Variants in RFX8 observed in about 807,000 individuals in gnomAD.
RFX8 encodes DNA-binding protein RFX8.
RFX8 carries 46 observed loss-of-function variants against 54.6 expected under a neutral mutation model. The ratio of observed to expected loss-of-function variants is 0.84; its 90% CI spans 0.67 to 1.08. The LOEUF is 1.08. Ranked by LOEUF, RFX8 falls within the 50% of genes least tolerant of loss-of-function variation. The pLI is 0.00. For missense variants in RFX8, 536 were observed against 562.3 expected (o/e 0.95, Z 0.47); for synonymous variants, 192 against 209.5 (o/e 0.92, Z 0.72).
At chr2:101,408,439 C>T (rs970935902) in intron 9 of RFX8, among the ~76,000 whole-genome samples, 3 of 151,076 alleles carry the variant, frequency 2.0e-5, no homozygotes, top group East Asian at 2.0e-4. Context: ...GAGCCGAGAT[C>T]GCGCCACTGC....
In RFX8 at chr2:101,397,401, CT is replaced by C; in HGVS notation, c.*146del. 1 of 471,530 alleles carries C rather than the reference CT, an allele frequency of 2.1e-6. No homozygotes were observed. Among genetic ancestry groups the C allele is most frequent in the East Asian group, 3.6e-5 (1 of 28,128 alleles). The allele number at this position is 471,530 out of a possible 1,614,324, so 29.2% of individuals were successfully genotyped here. ...TTACATATTTTATCGAAACCACCTC[CT>C]TGAAATACATATAAACATAAAATAG... On this transcript the variant is annotated 3_prime_UTR_variant, in exon 12 of 12. Coordinates refer to ENST00000428343, the MANE Select transcript of RFX8 (RefSeq NM_001145664.2).
chr2:101,421,833 A>T, intron 3 of RFX8, 56 bp from the exon 4 acceptor site: 1 of 1,308,584 alleles, frequency 7.6e-7, no homozygotes, highest in Non-Finnish European at 1.1e-6. Flanking sequence ...TAATGAACTG[A>T]TCTTCACAGA....
At chr2:101,464,243 C>T (rs927645460) in intron 2 of RFX8, among the ~76,000 whole-genome samples, 4 of 152,214 alleles carry the variant, frequency 2.6e-5, no homozygotes, top group African/African-American at 7.2e-5. Context: ...TACACATTCT[C>T]CTCTAATTTC....
At chr2:101,440,054 A>T (rs1031027947) in intron 2 of RFX8, among the ~76,000 whole-genome samples, 2 of 152,002 alleles carry the variant, frequency 1.3e-5, no homozygotes, top group Non-Finnish European at 2.9e-5. Flanking sequence ...GCTTTTCCAT[A>T]TAACTTTTTA....
chr2:101,413,119 AT>A (rs766345702), intron 7 of RFX8, 48 bp from the exon 8 acceptor site: 1 of 1,500,440 alleles, frequency 6.7e-7, no homozygotes, highest in African/African-American at 1.4e-5. Context: ...TGGTCATTTT[AT>A]TTTTGCCTAA....
At chr2:101,474,578 C>T in intron 1 of RFX8, 58 bp downstream of exon 1, 2 of 281,610 alleles carry the variant, frequency 7.1e-6, no homozygotes, top group Non-Finnish European at 6.6e-6. Flanking sequence ...ACCCAGCGCC[C>T]TTCCCACCGG....
chr2:101,448,516 C>T (rs1688513232), intron 2 of RFX8, among the ~76,000 whole-genome samples: 1 of 152,162 alleles, frequency 6.6e-6, no homozygotes, highest in Admixed American at 6.5e-5. Context: ...CCTTGTAGGC[C>T]CTTCATGATC....
intron 1 of RFX8, among the ~76,000 whole-genome samples, chr2:101,470,515 G>C (rs988607893): frequency 1.2e-4 from 19 of 152,198 alleles, no homozygotes; most frequent in African/African-American, 4.3e-4. Flanking sequence ...CATTTGAAGT[G>C]AATCAGATCA....
intron 11 of RFX8, among the ~76,000 whole-genome samples, chr2:101,401,549 A>C (rs1390198004): frequency 6.6e-6 from 1 of 152,198 alleles, no homozygotes; most frequent in East Asian, 1.9e-4. Flanking sequence ...GGGCACAAAA[A>C]GAAGAAGGCG....
intron 6 of RFX8, among the ~76,000 whole-genome samples, chr2:101,415,691 GGCTGCTGA>G (rs1686455718): frequency 6.6e-6 from 1 of 152,244 alleles, no homozygotes; most frequent in Non-Finnish European, 1.5e-5. Flanking sequence ...TTTGCTGGAT[GGCTGCTGA>G]GCTGATGGAC....
chr2:101,403,774 G>T (rs571000032), intron 10 of RFX8, among the ~76,000 whole-genome samples: 18 of 152,112 alleles, frequency 1.2e-4, no homozygotes, highest in Non-Finnish European at 2.6e-4. Context: ...GTGACAGAGC[G>T]AGACTCCATC....
intron 2 of RFX8, among the ~76,000 whole-genome samples, chr2:101,433,711 T>C (rs2104619720): frequency 6.6e-6 from 1 of 152,324 alleles, no homozygotes; most frequent in Non-Finnish European, 1.5e-5. Flanking sequence ...GTGAAACAAC[T>C]TGAAGCAATT....
chr2:101,421,880 T>C lies in RFX8; in HGVS notation c.184-103A>G, dbSNP rs1168792047. Reference sequence around the variant, plus strand: ...CTCTCAGAGGCCGCTCTTGTTGCAATTCTCAAATGACAATAGCTGCGCTCT... The same window carrying C: ...CTCTCAGAGGCCGCTCTTGTTGCAACTCTCAAATGACAATAGCTGCGCTCT... On this transcript the variant is annotated intron_variant, in intron 3 of 11. Transcript: ENST00000428343. 4.8e-6 allele frequency: 4 copies of C among 829,384 alleles called. No individual in the cohort carries two copies. The African/African-American group carries it at 7.0e-5, about 14-fold the overall frequency. 51.4% of individuals were successfully genotyped at this position (829,384 alleles called of 1,614,324 possible).
intron 2 of RFX8, among the ~76,000 whole-genome samples, chr2:101,449,898 G>C (rs1256989084): frequency 6.6e-6 from 1 of 152,126 alleles, no homozygotes; most frequent in Non-Finnish European, 1.5e-5. Context: ...GCTGGTGGGG[G>C]TTGGATGACA....
At chr2:101,449,541 A>G (rs976369956) in intron 2 of RFX8, among the ~76,000 whole-genome samples, 30 of 152,184 alleles carry the variant, frequency 2.0e-4, no homozygotes, top group African/African-American at 7.2e-4. Context: ...TATAGGTTCT[A>G]TCTGTTGGTA....
intron 9 of RFX8, among the ~76,000 whole-genome samples, chr2:101,407,259 C>T (rs1685791864): frequency 6.6e-6 from 1 of 152,226 alleles, no homozygotes; most frequent in South Asian, 2.1e-4. Context: ...TGGCCCTGAG[C>T]TTCAGGGGAC....
chr2:101,428,965 T>C, intron 2 of RFX8: 1 of 1,528,530 alleles, frequency 6.5e-7, no homozygotes, highest in Non-Finnish European at 8.8e-7. Context: ...CTGTTGCTTC[T>C]TGTTGGATAA....
At chr2:101,404,147 C>G (rs1685598024) in intron 10 of RFX8, among the ~76,000 whole-genome samples, 1 of 152,184 alleles carries the variant, frequency 6.6e-6, no homozygotes, top group South Asian at 2.1e-4. Context: ...CATTTCAAAG[C>G]CTTTTGTCCA....
chr2:101,413,159 T>C (rs1019342040), intron 7 of RFX8, 88 bp from the exon 8 acceptor site: 2 of 1,046,034 alleles, frequency 1.9e-6, no homozygotes, highest in Admixed American at 4.8e-5. Flanking sequence ...AGATTTTTGT[T>C]GTGGGGGAGA....
Sources: allele counts gnomAD v4.1 joint callset (sites outside exome capture counted in the v4.1 genomes callset), GRCh38; gene constraint gnomAD v4.1.1; transcripts MANE v1.5; gene names NCBI Gene and HGNC (gene_info 2026-07-23, HGNC 2026-07-21).